The following XKR4 variants were observed in gnomAD, a reference collection of about 807,000 sequenced individuals.
XKR4 encodes the protein XK related 4.
Under a neutral mutation model 53.9 loss-of-function variants are expected in XKR4, and 12 were observed. That is an observed-to-expected ratio of 0.22 (90% CI 0.14 to 0.36). The LOEUF is 0.36. Among genes scored for constraint, XKR4 ranks in the 10% least tolerant of loss-of-function variants. The pLI is 1.00. For synonymous variants in XKR4, 354 were observed against 362.4 expected (o/e 0.98, Z 0.26); for missense variants, 799 against 859.5 (o/e 0.93, Z 0.88).
At chr8:55,441,552 A>G (rs1211317109) in intron 2 of XKR4, among the ~76,000 whole-genome samples, 4 of 152,194 alleles carry the variant, frequency 2.6e-5, no homozygotes, top group African/African-American at 9.6e-5. Flanking sequence ...TCCATAATAC[A>G]TGTTATTCTA....
At chr8:55,140,677 T>G (rs1276465400) in intron 1 of XKR4, among the ~76,000 whole-genome samples, 3 of 152,016 alleles carry the variant, frequency 2.0e-5, no homozygotes, top group African/African-American at 7.2e-5. Context: ...ATGTCTGGAG[T>G]GTTGCTCCAG....
chr8:55,172,973 A>G (rs1817182955), intron 1 of XKR4, among the ~76,000 whole-genome samples: 1 of 152,216 alleles, frequency 6.6e-6, no homozygotes, highest in Admixed American at 6.5e-5. Context: ...ATGCTTGCTC[A>G]TCATGGTAGC....
intron 1 of XKR4, among the ~76,000 whole-genome samples, chr8:55,177,640 G>A (rs1248207719): frequency 1.3e-5 from 2 of 152,208 alleles, no homozygotes; most frequent in Non-Finnish European, 2.9e-5. Context: ...GAGGAAACAT[G>A]TTCTCTTTGT....
intron 1 of XKR4, among the ~76,000 whole-genome samples, chr8:55,219,767 T>C (rs986189122): frequency 6.6e-6 from 1 of 152,188 alleles, no homozygotes; most frequent in African/African-American, 2.4e-5. Flanking sequence ...TTTTATAATC[T>C]TTACTCTTCC....
At position 55,135,889 on chromosome 8, in the gene XKR4, CTTT is replaced by C. The variant is rs71256514; in HGVS notation, c.806+32608_806+32610del. Reference sequence around the variant, plus strand: ...CTGAGATTTCCTTTCAACATGCTCACTTTTTTTTTTTTTTTGTTTTTTTGAGAC... The same window carrying C: ...CTGAGATTTCCTTTCAACATGCTCACTTTTTTTTTTTTGTTTTTTTGAGAC... On this transcript the variant is annotated intron_variant, in intron 1 of 2. Transcript: ENST00000327381. Among the ~76,000 whole-genome samples the C allele has an allele frequency of 3.2e-3, 464 of 146,064 alleles. 2 individuals are homozygous for C. Among genetic ancestry groups the C allele is most frequent in the Admixed American group, 5.8e-3 (86 of 14,872 alleles).
At position 55,102,501 on chromosome 8, in the gene XKR4, T is replaced by G; in HGVS notation, c.13T>G (p.Ser5Ala). MAAK[S>A]DGRLKMKKSS... ...GTGTGGAGGCATCATGGCCGCTAAA[T>G]CAGACGGGAGGCTGAAAATGAAGAA... Residue 5 changes from serine (S) to alanine (A), a missense_variant, in exon 1 of 3, where the codon TCA (serine) becomes GCA (alanine). Around this residue, in one of 3 missense-constraint regions of XKR4, gnomAD observed 476 missense variants for 505.4 expected, o/e 0.94. Coordinates refer to ENST00000327381, the MANE Select transcript of XKR4 (RefSeq NM_052898.2). This position sits in a 1 kb window ranked among gnomAD's most constrained non-coding sequence, Gnocchi z 5.1. 2 of 1,548,130 alleles carry G rather than the reference T, an allele frequency of 1.3e-6. No homozygotes were observed. The highest frequency in any genetic ancestry group is 8.8e-7 in the Non-Finnish European group (1 of 1,142,320).
chr8:55,344,632 T>C (rs1341954745), intron 1 of XKR4, among the ~76,000 whole-genome samples: 2 of 152,328 alleles, frequency 1.3e-5, no homozygotes, highest in East Asian at 3.9e-4. Flanking sequence ...GTAGGAGCTC[T>C]ACAGAAGAAT....
chr8:55,396,167 T>C (rs1200592927), intron 2 of XKR4, among the ~76,000 whole-genome samples: 2 of 152,196 alleles, frequency 1.3e-5, no homozygotes, highest in Non-Finnish European at 2.9e-5. Context: ...TTCCACAAAA[T>C]GTTTTACCAC....
chr8:55,131,057 G>T (rs1403240515), intron 1 of XKR4, among the ~76,000 whole-genome samples: 1 of 152,076 alleles, frequency 6.6e-6, no homozygotes, highest in Non-Finnish European at 1.5e-5. Context: ...TACTCAGGAG[G>T]CTGAGGCAGG....
chr8:55,429,262 T>G (rs912604603), intron 2 of XKR4, among the ~76,000 whole-genome samples: 3 of 152,220 alleles, frequency 2.0e-5, no homozygotes, highest in African/African-American at 7.2e-5. Context: ...TCACTTCTTA[T>G]ACAAGAATTA....
In XKR4 at chr8:55,210,576, A is replaced by G. The variant is rs114619557; in HGVS notation, c.806+107282A>G. Among the ~76,000 whole-genome samples the G allele has an allele frequency of 3.0e-3, 451 of 152,370 alleles. 4 individuals are homozygous for G. Among genetic ancestry groups the G allele is most frequent in the African/African-American group, 0.01 (421 of 41,588 alleles). On this transcript the variant is annotated intron_variant, in intron 1 of 2. Transcript: ENST00000327381. Reference sequence around the variant, plus strand: ...GTTTGTAAATGATTATAAAAAGAAGAAAAACTATTTTGTTTTTCCGTATTG... The same window carrying G: ...GTTTGTAAATGATTATAAAAAGAAGGAAAACTATTTTGTTTTTCCGTATTG...
intron 2 of XKR4, among the ~76,000 whole-genome samples, chr8:55,494,976 CCA>C (rs1806320800): frequency 6.6e-6 from 1 of 152,168 alleles, no homozygotes; most frequent in South Asian, 2.1e-4. Context: ...CTGTCTCCTG[CCA>C]CTGTTCATGG....
chr8:55,433,019 G>A (rs998077936), intron 2 of XKR4, among the ~76,000 whole-genome samples: 2 of 152,168 alleles, frequency 1.3e-5, no homozygotes, highest in African/African-American at 2.4e-5. Context: ...GCTTGTAAAG[G>A]AGTATCACTT....
intron 2 of XKR4, among the ~76,000 whole-genome samples, chr8:55,510,504 G>A (rs529173824): frequency 6.6e-6 from 1 of 152,076 alleles, no homozygotes; most frequent in South Asian, 2.1e-4. Flanking sequence ...TTACCAGGAG[G>A]ACAGATAGGA....
intron 2 of XKR4, among the ~76,000 whole-genome samples, chr8:55,518,565 G>A (rs1030620702): frequency 8.5e-5 from 13 of 152,178 alleles, no homozygotes; most frequent in African/African-American, 1.2e-4. Flanking sequence ...TGCTCTTAAG[G>A]AACAGGAATT....
chr8:55,303,224 C>G (rs1387000362), intron 1 of XKR4, among the ~76,000 whole-genome samples: 3 of 152,172 alleles, frequency 2.0e-5, no homozygotes, highest in Admixed American at 1.3e-4. Context: ...TGAATTTTGT[C>G]AAAGGACTTT....
chr8:55,540,680 T>C lies in XKR4; in HGVS notation c.*16453T>C, dbSNP rs1429467965. 4 of 152,200 alleles carry C rather than the reference T, an allele frequency of 2.6e-5. No individual in the cohort carries two copies. The highest frequency in any genetic ancestry group is 6.5e-5 in the Admixed American group (1 of 15,274). The allele number at this position is 152,200 out of a possible 1,614,324, so 9.4% of individuals were successfully genotyped here. A position where few individuals can be genotyped will look rare whatever the true frequency, so the allele number is the denominator to read the frequency against. On this transcript the variant is annotated 3_prime_UTR_variant, in exon 3 of 3. Transcript: ENST00000327381. The stretch of plus-strand genomic sequence containing the variant: ...GGTTTCTTCTCTCTTTGAAACCAAA[T>C]AGCACGCTGAATTTAGGGCTATGAC...
At chr8:55,403,039 G>C (rs1011472739) in intron 2 of XKR4, among the ~76,000 whole-genome samples, 1 of 152,164 alleles carries the variant, frequency 6.6e-6, no homozygotes, top group East Asian at 1.9e-4. Flanking sequence ...AGCCACAGGA[G>C]GCTTCTCAGA....
intron 1 of XKR4, among the ~76,000 whole-genome samples, chr8:55,112,122 A>C (rs2129351048): frequency 6.6e-6 from 1 of 152,316 alleles, no homozygotes; most frequent in Admixed American, 6.5e-5. Flanking sequence ...AATTTTTAAA[A>C]ACCTTAAGCA....
Sources: allele counts gnomAD v4.1 joint callset (sites outside exome capture counted in the v4.1 genomes callset), GRCh38; gene constraint gnomAD v4.1.1; regional missense constraint gnomAD v4.1.1; non-coding constraint Gnocchi (gnomAD v3.1); transcripts MANE v1.5; gene names NCBI Gene and HGNC (gene_info 2026-07-23, HGNC 2026-07-21).